PKHD1: variants seen among roughly 807,000 people sequenced by gnomAD.
PKHD1 encodes PKHD1 ciliary IPT domain containing fibrocystin/polyductin, also known as fibrocystin.
In PKHD1, 291 loss-of-function variants were observed where a neutral mutation model predicts 412.0. That is an observed-to-expected ratio of 0.71 (90% CI 0.64 to 0.78). The LOEUF is 0.78. Among genes scored for constraint, PKHD1 ranks in the 30% least tolerant of loss-of-function variants. The pLI is 0.00. For synonymous variants in PKHD1, 1,777 were observed against 1,821.5 expected (o/e 0.98, Z 0.62); for missense variants, 4,825 against 4,950.7 (o/e 0.97, Z 0.76).
chr6:51,626,367 C>T (rs1767243217), intron 66 of PKHD1, among the ~76,000 whole-genome samples: 1 of 152,148 alleles, frequency 6.6e-6, no homozygotes, highest in Non-Finnish European at 1.5e-5. Context: ...TTGTGCTCTG[C>T]CCAGTCTTCC....
chr6:51,694,477 T>A (rs145159240), intron 60 of PKHD1, among the ~76,000 whole-genome samples: 9 of 149,916 alleles, frequency 6.0e-5, no homozygotes, highest in Admixed American at 2.0e-4. Context: ...TCTCCCTCCC[T>A]GGTTCAAGCA....
intron 17 of PKHD1, 40 bp from the exon 18 acceptor site, chr6:52,056,828 A>G (rs758404778): frequency 6.3e-7 from 1 of 1,586,110 alleles, no homozygotes; most frequent in Non-Finnish European, 8.7e-7. Flanking sequence ...TTATATCATG[A>G]GCATAAAGAC....
In PKHD1 at chr6:51,943,329, C is replaced by T. The variant is rs559596904; in HGVS notation, c.5909-9007G>A. Among the ~76,000 whole-genome samples, 38 of 151,264 alleles carry T rather than the reference C, an allele frequency of 2.5e-4. 1 individual carries two copies. In the East Asian group the frequency reaches 5.8e-3, roughly 23 times the overall value. ...CCCATTTGAGCTCCTGTATAAGACG[C>T]TCCTTTTTATTAGGCCCCAGTCTCA... On this transcript the variant is annotated intron_variant, in intron 36 of 66. Coordinates refer to ENST00000371117, the MANE Select transcript of PKHD1 (RefSeq NM_138694.4).
chr6:51,659,409 C>A lies in PKHD1; in HGVS notation c.10717G>T (p.Glu3573Ter). 1 of 1,613,638 alleles carries A rather than the reference C, an allele frequency of 6.2e-7. No homozygotes were observed. Among genetic ancestry groups the A allele is most frequent in the Non-Finnish European group, 8.5e-7 (1 of 1,179,810 alleles). Residue 3573 changes from glutamate (E) to a stop codon, truncating the protein, a stop_gained, in exon 61 of 67, where the codon GAA becomes TAA. Coordinates refer to ENST00000371117, the MANE Select transcript of PKHD1 (RefSeq NM_138694.4). LOFTEE classifies it high-confidence loss of function. Reference sequence around the variant, plus strand: ...AGTATTACTATTTCCCAGCCTTTTTCTAAGACTGAAACCATCACAGTGAGG... The same window carrying A: ...AGTATTACTATTTCCCAGCCTTTTTATAAGACTGAAACCATCACAGTGAGG... ...LALTVMVSVL[E>*]KGWEIVILER...
At chr6:52,037,404 G>A (rs1002400636) in intron 27 of PKHD1, among the ~76,000 whole-genome samples, 8 of 151,836 alleles carry the variant, frequency 5.3e-5, no homozygotes, top group Non-Finnish European at 1.2e-4. Flanking sequence ...AAATATTTAC[G>A]AATTTCCAAA....
chr6:51,893,809 G>A (rs919180343), intron 43 of PKHD1, among the ~76,000 whole-genome samples: 1 of 152,146 alleles, frequency 6.6e-6, no homozygotes, highest in Non-Finnish European at 1.5e-5. Context: ...CTATTGAGTG[G>A]GGAAAGCTTG....
At chr6:51,712,376 T>C (rs1382681273) in intron 60 of PKHD1, among the ~76,000 whole-genome samples, 1 of 151,840 alleles carries the variant, frequency 6.6e-6, no homozygotes, top group Non-Finnish European at 1.5e-5. Flanking sequence ...CTCAAGGGGG[T>C]CAGAAATGAA....
chr6:51,631,862 A>G (rs1217638577), intron 65 of PKHD1, among the ~76,000 whole-genome samples: 2 of 151,984 alleles, frequency 1.3e-5, no homozygotes, highest in Non-Finnish European at 2.9e-5. Flanking sequence ...CAAACAAACA[A>G]ACAAACAAAC....
rs1581910835 is a variant in PKHD1, at chr6:52,043,009, AG to A, written c.2946del (p.Cys983ValfsTer14). ...CCAACAGGTAGCAAATCTGTCTGAC[AG>A]ACTACATTGGTCTGGTTTGAGAAAA... is the stretch of plus-strand genomic sequence containing the variant. ...KVIFSNQTNVVCQTDLLPVGM... is the reference protein window; with the variant it reads ...KVIFSNQTNVXCQTDLLPVGM... On this transcript the variant is annotated frameshift_variant, in exon 27 of 67. Transcript: ENST00000371117. LOFTEE classifies it high-confidence loss of function. 6.2e-7 allele frequency: 1 copy of A among 1,614,106 alleles called. No homozygotes were observed. The highest frequency in any genetic ancestry group is 8.5e-7 in the Non-Finnish European group (1 of 1,179,944).
intron 28 of PKHD1, among the ~76,000 whole-genome samples, chr6:52,034,175 AG>A (rs1375642981): frequency 5.7e-5 from 4 of 69,780 alleles, no homozygotes; most frequent in Non-Finnish European, 1.1e-4. Flanking sequence ...TAGGAACTCT[AG>A]GGGAAAAAAA....
intron 64 of PKHD1, among the ~76,000 whole-genome samples, chr6:51,636,935 A>G (rs1183468805): frequency 6.6e-6 from 1 of 152,154 alleles, no homozygotes; most frequent in African/African-American, 2.4e-5. Flanking sequence ...AATTAAGAGG[A>G]ATAATTTAGT....
intron 34 of PKHD1, among the ~76,000 whole-genome samples, chr6:52,011,480 G>T (rs1224719850): frequency 6.6e-6 from 1 of 152,190 alleles, no homozygotes; most frequent in African/African-American, 2.4e-5. Flanking sequence ...GTAGCTCCGA[G>T]GTCAAAACCA....
chr6:51,975,970 AAAAAAAAAAAAAAAAAAAAACAG>A (rs1249760528), intron 35 of PKHD1: 1 of 146,602 alleles, frequency 6.8e-6, no homozygotes, highest in Non-Finnish European at 1.5e-5. Flanking sequence ...AATTAAAAAA[AAAAAAAAAAAAAAAAAAAAACAG>A]AAAACAACTG....
intron 43 of PKHD1, among the ~76,000 whole-genome samples, chr6:51,897,840 CA>C (rs1254359013): frequency 6.8e-6 from 1 of 147,254 alleles, no homozygotes; most frequent in African/African-American, 2.5e-5. Context: ...AAATGGAAAA[CA>C]AAAAAAGGCA....
chr6:51,893,508 T>A (rs1001714205), intron 43 of PKHD1, among the ~76,000 whole-genome samples: 9 of 152,200 alleles, frequency 5.9e-5, no homozygotes, highest in African/African-American at 1.9e-4. Flanking sequence ...TCGCATTCCT[T>A]CCTGGCCCTT....
At chr6:51,660,604 A>T (rs1332899067) in intron 60 of PKHD1, among the ~76,000 whole-genome samples, 1 of 152,146 alleles carries the variant, frequency 6.6e-6, no homozygotes, top group Non-Finnish European at 1.5e-5. Flanking sequence ...GAATTCAATT[A>T]ACTCGCTAGA....
chr6:51,920,742 C>T (rs1308659234), intron 37 of PKHD1, among the ~76,000 whole-genome samples: 5 of 152,138 alleles, frequency 3.3e-5, no homozygotes, highest in African/African-American at 4.8e-5. Flanking sequence ...GCTGTGAATC[C>T]GTCTGGTCCT....
chr6:51,632,768 T>A, intron 64 of PKHD1, 45 bp from the exon 65 acceptor site: 1 of 1,489,776 alleles, frequency 6.7e-7, no homozygotes, highest in Admixed American at 1.7e-5. Context: ...GTTAATAAGA[T>A]GCTAATATAA....
In PKHD1 at chr6:51,659,659, T is replaced by G; in HGVS notation, c.10467A>C (p.Lys3489Asn). ...CAGCCAAGAGAAGCTTGGAGGTACT[T>G]TTGTTCCCCAATAGAAAAAAGCGCA... is the stretch of plus-strand genomic sequence containing the variant. ...QVLRFFLLGN[K>N]STSKLLLAVF... The change falls in exon 61 of 67, where the codon AAA becomes AAC. Residue 3489 changes from lysine to asparagine, a missense_variant. Transcript: ENST00000371117. The G allele has an allele frequency of 6.2e-7, 1 of 1,613,768 alleles. No homozygotes were observed. Among genetic ancestry groups the G allele is most frequent in the African/African-American group, 1.3e-5 (1 of 74,994 alleles).
Sources: allele counts gnomAD v4.1 joint callset (sites outside exome capture counted in the v4.1 genomes callset), GRCh38; gene constraint gnomAD v4.1.1; transcripts MANE v1.5; gene names NCBI Gene and HGNC (gene_info 2026-07-23, HGNC 2026-07-21).